KIF26B: variants seen among roughly 807,000 people sequenced by gnomAD.
The protein encoded by KIF26B is kinesin-like protein KIF26B.
Under a neutral mutation model 151.2 loss-of-function variants are expected in KIF26B, and 63 were observed. That is an observed-to-expected ratio of 0.42 (90% CI 0.34 to 0.51). The LOEUF is 0.51. Among genes scored for constraint, KIF26B ranks in the 20% least tolerant of loss-of-function variants. The pLI, the probability that KIF26B is intolerant of heterozygous loss-of-function variation, is 0.07. For synonymous variants in KIF26B, 1,357 were observed against 1,262.1 expected (o/e 1.08, Z -1.59); for missense variants, 2,813 against 2,913.6 (o/e 0.97, Z 0.79).
At position 245,336,267 on chromosome 1, in the gene KIF26B, A is replaced by G. The variant is rs139115816; in HGVS notation, c.466-30567A>G. On this transcript the variant is annotated intron_variant, in intron 2 of 14. Coordinates refer to ENST00000407071, the MANE Select transcript of KIF26B (RefSeq NM_018012.4). ...ATGCCATCTAGAAGAAGCACCATCC[A>G]CTGTTCTCAGAAAGAAGAGAGAGGA... Among the ~76,000 whole-genome samples the G allele has an allele frequency of 2.3e-3, 348 of 152,370 alleles. 2 individuals are homozygous for G. The highest frequency in any genetic ancestry group is 8.0e-3 in the African/African-American group (333 of 41,594).
intron 10 of KIF26B, among the ~76,000 whole-genome samples, chr1:245,647,425 A>AG (rs2043963044): frequency 4.6e-4 from 1 of 2,160 alleles, no homozygotes; most frequent in Admixed American, 4.0e-3. Flanking sequence ...ACTCCTTCTC[A>AG]AAAAAAAAAA....
intron 2 of KIF26B, among the ~76,000 whole-genome samples, chr1:245,208,096 T>C (rs550286295): frequency 6.6e-6 from 1 of 152,310 alleles, no homozygotes; most frequent in East Asian, 1.9e-4. Context: ...GCTCCTCAAA[T>C]CCGAATCTGA....
intron 4 of KIF26B, among the ~76,000 whole-genome samples, chr1:245,519,855 G>A (rs534332283): frequency 6.6e-6 from 1 of 152,144 alleles, no homozygotes; most frequent in Non-Finnish European, 1.5e-5. Context: ...TATATATGTG[G>A]TTCGTCCTTG....
At chr1:245,214,353 C>T (rs373407453) in intron 2 of KIF26B, 5 of 151,626 alleles carry the variant, frequency 3.3e-5, no homozygotes, top group African/African-American at 9.7e-5. Flanking sequence ...CCAGCCTGGG[C>T]AACACTGTGA....
chr1:245,344,423 G>A (rs892873151), intron 2 of KIF26B, among the ~76,000 whole-genome samples: 12 of 149,256 alleles, frequency 8.0e-5, no homozygotes, highest in African/African-American at 1.8e-4. Flanking sequence ...TGAACCCGGA[G>A]GGCGGAGCCT....
At position 245,497,556 on chromosome 1, in the gene KIF26B, G is replaced by A. The variant is rs376176596; in HGVS notation, c.1167-43211G>A. Among the ~76,000 whole-genome samples, 101 of 152,182 alleles carry A rather than the reference G, an allele frequency of 6.6e-4. 2 individuals carry two copies. The South Asian group carries it at 0.019, about 29-fold the overall frequency. ...TGTAAATAACCAACAGGTTAAAGAA[G>A]AAATTTCAGTGGATTTCAGACAATA... On this transcript the variant is annotated intron_variant, in intron 4 of 14. Coordinates refer to ENST00000407071, the MANE Select transcript of KIF26B (RefSeq NM_018012.4).
At chr1:245,314,313 G>T (rs948851768) in intron 2 of KIF26B, among the ~76,000 whole-genome samples, 1 of 152,110 alleles carries the variant, frequency 6.6e-6, no homozygotes, top group African/African-American at 2.4e-5. Flanking sequence ...TTAGCCAGGC[G>T]TGGTGGTGGG....
At position 245,463,834 on chromosome 1, in the gene KIF26B, G is replaced by A. The variant is rs542776579; in HGVS notation, c.1166+44089G>A. Among the ~76,000 whole-genome samples, 131 of 152,294 alleles carry A rather than the reference G, an allele frequency of 8.6e-4. 1 individual carries two copies. Among genetic ancestry groups the A allele is most frequent in the African/African-American group, 2.7e-3 (114 of 41,556 alleles). On this transcript the variant is annotated intron_variant, in intron 4 of 14. Transcript: ENST00000407071. ...GTGGGTGAATGTAGGATTTCATTGC[G>A]TATAAACATTTCAGAGACAAGTCCC...
At position 245,287,494 on chromosome 1, in the gene KIF26B, C is replaced by CTTTTTTTTTTTTTTTTTT. The variant is rs1157634485; in HGVS notation, c.466-79339_466-79338insTTTTTTTTTTTTTTTTTT. ...GGGTCCCTGTGTGTCTCATCTCTCT[C>CTTTTTTTTTTTTTTTTTT]TCTCTTTTTTTTTTTTTTTTTTTCC... On this transcript the variant is annotated intron_variant, in intron 2 of 14. Transcript: ENST00000407071. Among the ~76,000 whole-genome samples, 2 of 113,172 alleles carry CTTTTTTTTTTTTTTTTTT rather than the reference C, an allele frequency of 1.8e-5. 1 individual carries two copies. The allele number at this position is 113,172 out of a possible 152,430, so 74.2% of individuals were successfully genotyped here. A position where few individuals can be genotyped will look rare whatever the true frequency, so the allele number is the denominator to read the frequency against.
At chr1:245,468,675 TAGAGAGAG>T (rs112739819) in intron 4 of KIF26B, among the ~76,000 whole-genome samples, 5 of 148,298 alleles carry the variant, frequency 3.4e-5, no homozygotes, top group South Asian at 2.2e-4. Flanking sequence ...ACTTACATCT[TAGAGAGAG>T]AGAGAGAGAG....
rs779695942 is a variant in KIF26B, at chr1:245,702,740, C to A, written c.*134C>A. On this transcript the variant is annotated 3_prime_UTR_variant, in exon 15 of 15. Coordinates refer to ENST00000407071, the MANE Select transcript of KIF26B (RefSeq NM_018012.4). The surrounding 1 kb of genome is among the most constrained non-coding windows in gnomAD (Gnocchi z 4.1). Reference sequence around the variant, plus strand: ...AGGTTGGTGGCAAGTCTGGAGCGGGCGTTGAGCGGAAGGCGAGTTTTCTTT... The same window carrying A: ...AGGTTGGTGGCAAGTCTGGAGCGGGAGTTGAGCGGAAGGCGAGTTTTCTTT... 3 of 1,002,746 alleles carry A rather than the reference C, an allele frequency of 3.0e-6. No individual in the cohort carries two copies. Among genetic ancestry groups the A allele is most frequent in the Non-Finnish European group, 4.2e-6 (3 of 706,948 alleles). 62.1% of individuals were successfully genotyped at this position (1,002,746 alleles called of 1,614,324 possible).
intron 4 of KIF26B, among the ~76,000 whole-genome samples, chr1:245,539,573 A>G (rs1390139670): frequency 6.6e-6 from 1 of 152,230 alleles, no homozygotes. Flanking sequence ...TGAGTATATT[A>G]GAGTCTGTGA....
intron 7 of KIF26B, 74 bp downstream of exon 7, chr1:245,607,818 C>T (rs754657970): frequency 2.5e-6 from 3 of 1,177,906 alleles, no homozygotes; most frequent in Non-Finnish European, 3.7e-6. Flanking sequence ...TGTCTCCCTC[C>T]CAGAGTTCTC....
chr1:245,474,726 C>G (rs898121793), intron 4 of KIF26B, among the ~76,000 whole-genome samples: 11 of 151,738 alleles, frequency 7.2e-5, no homozygotes, highest in African/African-American at 2.7e-4. Context: ...AACACTGGGT[C>G]TTATTTCTTC....
In KIF26B at chr1:245,537,796, T is replaced by C. The variant is rs114495629; in HGVS notation, c.1167-2971T>C. Among the ~76,000 whole-genome samples, 1,156 of 152,302 alleles carry C rather than the reference T, an allele frequency of 7.6e-3. 12 individuals carry two copies. Among genetic ancestry groups the C allele is most frequent in the Middle Eastern group, 0.034 (10 of 294 alleles). Reference sequence around the variant, plus strand: ...TTTTAGGGTTGGCAAGCTTGAGATGTTTATTAGATATCCAAGTGGAATTGT... The same window carrying C: ...TTTTAGGGTTGGCAAGCTTGAGATGCTTATTAGATATCCAAGTGGAATTGT... On this transcript the variant is annotated intron_variant, in intron 4 of 14. Coordinates refer to ENST00000407071, the MANE Select transcript of KIF26B (RefSeq NM_018012.4).
intron 10 of KIF26B, among the ~76,000 whole-genome samples, chr1:245,664,205 G>A (rs2044187878): frequency 6.6e-6 from 1 of 151,706 alleles, no homozygotes; most frequent in African/African-American, 2.4e-5. Flanking sequence ...CCTGTCTCGA[G>A]TAAAAATACA....
chr1:245,302,988 CAAAAAAAAAAA>C (rs74163037), intron 2 of KIF26B, among the ~76,000 whole-genome samples: 4 of 35,816 alleles, frequency 1.1e-4, no homozygotes, highest in African/African-American at 2.3e-4. Flanking sequence ...GACTCTGTCT[CAAAAAAAAAAA>C]AAAAAAAAAA....
intron 5 of KIF26B, among the ~76,000 whole-genome samples, chr1:245,594,757 G>T (rs943144244): frequency 2.0e-5 from 3 of 152,144 alleles, no homozygotes; most frequent in Non-Finnish European, 4.4e-5. Flanking sequence ...ATTATTTTGG[G>T]CAGTGTGGCC....
At chr1:245,387,940 A>G (rs1238108413) in intron 3 of KIF26B, among the ~76,000 whole-genome samples, 1 of 152,160 alleles carries the variant, frequency 6.6e-6, no homozygotes, top group Non-Finnish European at 1.5e-5. Flanking sequence ...GGCTGCGTTT[A>G]CTAACTTTGT....
Sources: allele counts gnomAD v4.1 joint callset (sites outside exome capture counted in the v4.1 genomes callset), GRCh38; gene constraint gnomAD v4.1.1; non-coding constraint Gnocchi (gnomAD v3.1); transcripts MANE v1.5; gene names NCBI Gene and HGNC (gene_info 2026-07-23, HGNC 2026-07-21).